The following SPAG16 variants were observed in gnomAD, a reference collection of about 807,000 sequenced individuals.
SPAG16 encodes sperm-associated antigen 16 protein.
SPAG16 carries 86 observed loss-of-function variants against 80.4 expected under a neutral mutation model. The ratio of observed to expected loss-of-function variants is 1.07; its 90% CI spans 0.90 to 1.28. SPAG16 has a LOEUF of 1.28. Among genes scored for constraint, SPAG16 ranks in the 50% most tolerant of loss-of-function variants. SPAG16 has a pLI of 0.00. For missense variants in SPAG16, 870 were observed against 765.3 expected, an observed-to-expected ratio of 1.14 and a Z score of -1.61; for synonymous variants, 294 against 265.9, an observed-to-expected ratio of 1.11 and a Z score of -1.03.
chr2:214,043,659 G>A (rs560894753), intron 13 of SPAG16, among the ~76,000 whole-genome samples: 1 of 152,236 alleles, frequency 6.6e-6, no homozygotes, highest in African/African-American at 2.4e-5. Context: ...TGGTCTATCT[G>A]TATATAAATA....
chr2:214,217,344 T>A (rs1441705054), intron 15 of SPAG16, among the ~76,000 whole-genome samples: 1 of 152,200 alleles, frequency 6.6e-6, no homozygotes, highest in Non-Finnish European at 1.5e-5. Flanking sequence ...TGCATTTTAA[T>A]TGACTTGGGG....
At chr2:214,274,846 G>A (rs1692327682) in intron 15 of SPAG16, among the ~76,000 whole-genome samples, 1 of 152,234 alleles carries the variant, frequency 6.6e-6, no homozygotes, top group Non-Finnish European at 1.5e-5. Flanking sequence ...TTTTTCTATT[G>A]ATTGGAATAG....
At chr2:214,109,165 C>T (rs555580917) in intron 14 of SPAG16, among the ~76,000 whole-genome samples, 1 of 152,260 alleles carries the variant, frequency 6.6e-6, no homozygotes, top group Admixed American at 6.5e-5. Flanking sequence ...GACTTCCCAG[C>T]CTCCAGAACT....
At chr2:214,134,129 C>G (rs2054924752) in intron 14 of SPAG16, among the ~76,000 whole-genome samples, 1 of 152,208 alleles carries the variant, frequency 6.6e-6, no homozygotes, top group African/African-American at 2.4e-5. Context: ...CTCATAGTTT[C>G]TGACTGATCT....
intron 11 of SPAG16, among the ~76,000 whole-genome samples, chr2:213,884,795 A>C (rs1360840906): frequency 6.6e-6 from 1 of 152,142 alleles, no homozygotes; most frequent in Admixed American, 6.6e-5. Context: ...TAGTACTTCC[A>C]ATTGTATTAT....
At chr2:213,424,172 A>T (rs967442993) in intron 9 of SPAG16, among the ~76,000 whole-genome samples, 2 of 152,218 alleles carry the variant, frequency 1.3e-5, no homozygotes, top group African/African-American at 4.8e-5. Flanking sequence ...AAGGGTCAGC[A>T]TGAGAAAGAA....
chr2:213,739,223 G>T (rs2067430269), intron 10 of SPAG16, among the ~76,000 whole-genome samples: 1 of 152,146 alleles, frequency 6.6e-6, no homozygotes, highest in African/African-American at 2.4e-5. Flanking sequence ...GGATAATGTG[G>T]TTTGGTTAAT....
At chr2:213,936,091 C>T (rs1251318188) in intron 12 of SPAG16, among the ~76,000 whole-genome samples, 2 of 152,064 alleles carry the variant, frequency 1.3e-5, no homozygotes. Context: ...ATAAAGTTGA[C>T]ATTTGGATAA....
At chr2:213,644,651 C>G (rs1349564320) in intron 10 of SPAG16, among the ~76,000 whole-genome samples, 2 of 152,198 alleles carry the variant, frequency 1.3e-5, no homozygotes, top group Non-Finnish European at 2.9e-5. Context: ...TCTGGATTCC[C>G]AGGGAGACAC....
intron 13 of SPAG16, among the ~76,000 whole-genome samples, chr2:214,073,482 G>GC (rs1410535540): frequency 1.3e-5 from 2 of 151,972 alleles, no homozygotes; most frequent in African/African-American, 4.8e-5. Flanking sequence ...TGATTCACCT[G>GC]CCCCGGCCTT....
chr2:213,807,345 T>C (rs1036345467), intron 10 of SPAG16, among the ~76,000 whole-genome samples: 8 of 151,998 alleles, frequency 5.3e-5, no homozygotes, highest in South Asian at 2.1e-4. Context: ...CTTTTTTTTT[T>C]CCCCTCAACA....
At chr2:214,194,792 A>G (rs905431878) in intron 15 of SPAG16, among the ~76,000 whole-genome samples, 1 of 152,088 alleles carries the variant, frequency 6.6e-6, no homozygotes, top group Non-Finnish European at 1.5e-5. Flanking sequence ...CTGATAACTC[A>G]GAAAGCCCTG....
intron 10 of SPAG16, among the ~76,000 whole-genome samples, chr2:213,511,996 AAAAAT>A (rs1222226767): frequency 1.3e-5 from 2 of 152,062 alleles, no homozygotes; most frequent in African/African-American, 2.4e-5. Flanking sequence ...TCCTCTGGAG[AAAAAT>A]AAAATAAAAT....
chr2:213,654,105 C>G (rs1180405356), intron 10 of SPAG16, among the ~76,000 whole-genome samples: 4 of 152,136 alleles, frequency 2.6e-5, no homozygotes, highest in Non-Finnish European at 1.5e-5. Flanking sequence ...ACAAATCTCT[C>G]TGATAGTCAA....
intron 10 of SPAG16, among the ~76,000 whole-genome samples, chr2:213,645,302 G>T (rs1280085828): frequency 6.6e-6 from 1 of 151,822 alleles, no homozygotes; most frequent in East Asian, 1.9e-4. Flanking sequence ...CAAGAGTCAG[G>T]TCCTGGAATT....
At chr2:214,123,408 A>C (rs2054313485) in intron 14 of SPAG16, among the ~76,000 whole-genome samples, 1 of 152,030 alleles carries the variant, frequency 6.6e-6, no homozygotes, top group African/African-American at 2.4e-5. Context: ...AAAAAAAATC[A>C]ATCGTTTGTT....
chr2:213,797,170 TA>T (rs2071095907), intron 10 of SPAG16, among the ~76,000 whole-genome samples: 1 of 152,166 alleles, frequency 6.6e-6, no homozygotes, highest in African/African-American at 2.4e-5. Flanking sequence ...TCCGTAAAGT[TA>T]AAAAATTAAA....
At chr2:213,620,013 A>C (rs554575032) in intron 10 of SPAG16, among the ~76,000 whole-genome samples, 1 of 152,332 alleles carries the variant, frequency 6.6e-6, no homozygotes, top group African/African-American at 2.4e-5. Flanking sequence ...CATTTAAGGC[A>C]ACAAGGATGA....
chr2:213,920,443 A>G (rs554582184), intron 11 of SPAG16, among the ~76,000 whole-genome samples: 1 of 152,296 alleles, frequency 6.6e-6, no homozygotes, highest in South Asian at 2.1e-4. Flanking sequence ...GGTAAAACCC[A>G]CCCACGTACA....
Sources: allele counts gnomAD v4.1 joint callset (sites outside exome capture counted in the v4.1 genomes callset), GRCh38; gene constraint gnomAD v4.1.1; transcripts MANE v1.5; gene names NCBI Gene and HGNC (gene_info 2026-07-23, HGNC 2026-07-21).